The following PAK6 variants were observed in gnomAD, a reference collection of about 807,000 sequenced individuals.
PAK6 encodes the protein p21 (RAC1) activated kinase 6, also known as serine/threonine-protein kinase PAK 6.
A neutral mutation model predicts 60.8 loss-of-function variants in PAK6; 33 were observed. That is an observed-to-expected ratio of 0.54 (90% CI 0.41 to 0.73). The LOEUF (loss-of-function observed/expected upper bound fraction) is 0.73. Ranked by LOEUF, PAK6 falls within the 30% of genes least tolerant of loss-of-function variation. The probability of loss-of-function intolerance (pLI) is 0.00; values close to 1 mark genes in which losing one functional copy is unlikely to be tolerated. For missense variants in PAK6, 845 were observed against 904.1 expected, an observed-to-expected ratio of 0.93 and a Z score of 0.84; for synonymous variants, 404 against 378.5, an observed-to-expected ratio of 1.07 and a Z score of -0.78.
At chr15:40,247,874 A>G (rs894803934) in intron 2 of PAK6, among the ~76,000 whole-genome samples, 3 of 152,032 alleles carry the variant, frequency 2.0e-5, no homozygotes, top group African/African-American at 4.8e-5. Flanking sequence ...GGCACATCAA[A>G]CCAAGCTCCA....
At chr15:40,242,476 G>GT (rs1159676442) in intron 2 of PAK6, among the ~76,000 whole-genome samples, 2 of 152,230 alleles carry the variant, frequency 1.3e-5, no homozygotes, top group African/African-American at 4.8e-5. Context: ...AAGGACACCA[G>GT]TAAAGCTCAT....
chr15:40,256,158 G>T, intron 3 of PAK6, among the ~76,000 whole-genome samples: 1 of 152,190 alleles, frequency 6.6e-6, no homozygotes, highest in African/African-American at 2.4e-5. Flanking sequence ...CCAGACGTTC[G>T]AGGCTGCAGT....
intron 3 of PAK6, among the ~76,000 whole-genome samples, chr15:40,258,063 GC>G (rs2038886869): frequency 1.3e-5 from 2 of 152,174 alleles, no homozygotes; most frequent in Admixed American, 1.3e-4. Context: ...GACCATCACA[GC>G]CCCCACCATG....
chr15:40,263,976 G>A, intron 3 of PAK6: 1 of 455,940 alleles, frequency 2.2e-6, no homozygotes, highest in Non-Finnish European at 4.4e-6. Flanking sequence ...GGGAGGTGGT[G>A]CTCTCTGCCT....
chr15:40,243,387 C>A (rs188069136), intron 2 of PAK6, among the ~76,000 whole-genome samples: 214 of 152,282 alleles, frequency 1.4e-3, no homozygotes, highest in Non-Finnish European at 1.7e-3. Context: ...TACTTCATGT[C>A]TCTGGGTCTC....
intron 2 of PAK6, chr15:40,244,986 T>G (rs1199582033): frequency 1.3e-5 from 2 of 152,266 alleles, no homozygotes; most frequent in Non-Finnish European, 2.9e-5. Flanking sequence ...TGACTTTTTT[T>G]GACACCTGTG....
intron 8 of PAK6, 21 bp downstream of exon 8, chr15:40,273,493 G>A (rs750677130): frequency 6.2e-7 from 1 of 1,613,552 alleles, no homozygotes; most frequent in Admixed American, 1.7e-5. Flanking sequence ...TCCTGTCCCT[G>A]GCACAGCCAC....
At chr15:40,265,069 C>A in intron 4 of PAK6, 80 bp downstream of exon 4, 1 of 1,223,948 alleles carries the variant, frequency 8.2e-7, no homozygotes, top group Non-Finnish European at 1.1e-6. Context: ...CAGAAAGGCC[C>A]CTGGAGGAAC....
chr15:40,257,269 G>A (rs1053707045), intron 3 of PAK6, among the ~76,000 whole-genome samples: 2 of 152,224 alleles, frequency 1.3e-5, no homozygotes, highest in African/African-American at 2.4e-5. Flanking sequence ...CAATCCCAGC[G>A]CTTACACAGC....
At chr15:40,274,202 T>G in exon 10 of PAK6, 3 of 1,613,920 alleles carry the variant, frequency 1.9e-6, no homozygotes, top group Non-Finnish European at 2.5e-6. Flanking sequence ...GCCACCGTAC[T>G]TCAGTGACTC....
intron 5 of PAK6, 28 bp downstream of exon 5, chr15:40,266,523 T>C (rs755849758): frequency 3.3e-5 from 51 of 1,560,166 alleles, no homozygotes; most frequent in Non-Finnish European, 4.2e-5. Flanking sequence ...CCTGCAGGTG[T>C]CCACTGGGGA....
chr15:40,265,962 C>G (rs375852612), exon 5 of PAK6: 1 of 1,604,482 alleles, frequency 6.2e-7, no homozygotes. Flanking sequence ...CACCAGCCGG[C>G]GGCGGGCACA....
At chr15:40,248,250 G>A (rs1414982922) in intron 2 of PAK6, among the ~76,000 whole-genome samples, 3 of 152,316 alleles carry the variant, frequency 2.0e-5, no homozygotes, top group Middle Eastern at 3.4e-3. Flanking sequence ...GAGGTTCAGA[G>A]GTTTGCACCT....
intron 3 of PAK6, among the ~76,000 whole-genome samples, chr15:40,256,442 C>T (rs2038836642): frequency 6.6e-6 from 1 of 152,196 alleles, no homozygotes; most frequent in East Asian, 1.9e-4. Flanking sequence ...CAGGTCTCAG[C>T]ATGTCAGGGC....
intron 2 of PAK6, among the ~76,000 whole-genome samples, chr15:40,247,617 G>A (rs73391331): frequency 0.024 from 3,669 of 152,290 alleles, 158 homozygotes; most frequent in African/African-American, 0.084. Flanking sequence ...CAGAACCTGA[G>A]GGAAAGGCAG....
At chr15:40,241,796 G>A (rs1028091861) in intron 2 of PAK6, among the ~76,000 whole-genome samples, 1 of 152,206 alleles carries the variant, frequency 6.6e-6, no homozygotes, top group Non-Finnish European at 1.5e-5. Context: ...AGGAAAGCCC[G>A]CTCTGTGCAC....
chr15:40,274,259 C>G (rs1566859138), exon 10 of PAK6: 2 of 1,607,896 alleles, frequency 1.2e-6, no homozygotes, highest in Non-Finnish European at 1.7e-6. Flanking sequence ...CCCACCCAAG[C>G]TGAAAAACTC....
At chr15:40,261,167 C>T (rs2038975388) in intron 3 of PAK6, among the ~76,000 whole-genome samples, 2 of 149,874 alleles carry the variant, frequency 1.3e-5, no homozygotes, top group Admixed American at 6.6e-5. Context: ...GGATTACAGG[C>T]GTGAGCCACC....
chr15:40,253,102 A>G (rs2038734080), intron 2 of PAK6, 76 bp from the exon 3 acceptor site: 8 of 420,082 alleles, frequency 1.9e-5, no homozygotes, highest in South Asian at 1.3e-4. Context: ...CAGCGCCTGG[A>G]CGTCAGCCAG....
Sources: allele counts gnomAD v4.1 joint callset (sites outside exome capture counted in the v4.1 genomes callset), GRCh38; gene constraint gnomAD v4.1.1; transcripts MANE v1.5; gene names NCBI Gene and HGNC (gene_info 2026-07-23, HGNC 2026-07-21).